The following ERC2 variants were observed in gnomAD, a reference collection of about 807,000 sequenced individuals.
ERC2 encodes ERC protein 2.
ERC2 carries 42 observed loss-of-function variants against 114.8 expected under a neutral mutation model. The ratio of observed to expected loss-of-function variants is 0.37; its 90% CI spans 0.29 to 0.47. The LOEUF is 0.47. Ranked by LOEUF, ERC2 falls within the 20% of genes least tolerant of loss-of-function variation. The pLI is 0.99. For missense variants in ERC2, 939 were observed against 1,150.7 expected (o/e 0.82, Z 2.66); for synonymous variants, 454 against 425.5 (o/e 1.07, Z -0.82).
chr3:55,964,831 T>C (rs1177738149), intron 12 of ERC2, among the ~76,000 whole-genome samples: 1 of 152,166 alleles, frequency 6.6e-6, no homozygotes, highest in Non-Finnish European at 1.5e-5. Context: ...TTCCTTGCAG[T>C]TCTATGCCTG....
chr3:56,134,791 T>G (rs370552703), intron 6 of ERC2, among the ~76,000 whole-genome samples: 1 of 152,200 alleles, frequency 6.6e-6, no homozygotes, highest in Non-Finnish European at 1.5e-5. Flanking sequence ...ATTAGCATTA[T>G]GTACCACTGT....
intron 17 of ERC2, among the ~76,000 whole-genome samples, chr3:55,674,330 CAG>C (rs1002156112): frequency 2.0e-5 from 3 of 152,124 alleles, no homozygotes; most frequent in Non-Finnish European, 4.4e-5. Context: ...TATGCAAAGA[CAG>C]AGATTCCCAT....
chr3:56,270,715 T>C (rs192648918), intron 3 of ERC2, among the ~76,000 whole-genome samples: 52 of 152,304 alleles, frequency 3.4e-4, no homozygotes, highest in East Asian at 3.3e-3. Flanking sequence ...CATGGTGGCT[T>C]ATGCCTGTAA....
chr3:55,728,896 T>A (rs1313482250), intron 15 of ERC2, among the ~76,000 whole-genome samples: 2 of 152,188 alleles, frequency 1.3e-5, no homozygotes, highest in Non-Finnish European at 2.9e-5. Flanking sequence ...TCGTCAGGTG[T>A]GACAGGCAAA....
intron 15 of ERC2, among the ~76,000 whole-genome samples, chr3:55,728,208 A>T (rs919361384): frequency 6.6e-6 from 1 of 152,210 alleles, no homozygotes; most frequent in Non-Finnish European, 1.5e-5. Flanking sequence ...TCTCTTAGAG[A>T]TCAATGATGA....
intron 1 of ERC2, among the ~76,000 whole-genome samples, chr3:56,461,755 C>T (rs1353349168): frequency 6.6e-6 from 1 of 152,150 alleles, no homozygotes; most frequent in Non-Finnish European, 1.5e-5. Flanking sequence ...ACACTTCATA[C>T]AACATAAATC....
intron 14 of ERC2, among the ~76,000 whole-genome samples, chr3:55,833,986 A>G (rs1223997883): frequency 6.6e-6 from 1 of 151,272 alleles, no homozygotes; most frequent in Non-Finnish European, 1.5e-5. Context: ...CAGACTTTAA[A>G]CCAACAAAGA....
intron 10 of ERC2, among the ~76,000 whole-genome samples, chr3:55,994,647 T>TAAA (rs10662566): frequency 0.33 from 20,420 of 61,414 alleles, 6,235 homozygotes; most frequent in Middle Eastern, 0.45. Flanking sequence ...ACATACTCCC[T>TAAA]AAAAAAAAAA....
At chr3:55,670,379 T>G (rs1432568640) in intron 17 of ERC2, among the ~76,000 whole-genome samples, 1 of 152,156 alleles carries the variant, frequency 6.6e-6, no homozygotes, top group Non-Finnish European at 1.5e-5. Flanking sequence ...AGGATGAAAA[T>G]GGACAGAGCC....
At chr3:55,754,178 ATTT>A (rs11293885) in intron 14 of ERC2, among the ~76,000 whole-genome samples, 6 of 150,466 alleles carry the variant, frequency 4.0e-5, no homozygotes, top group Non-Finnish European at 8.9e-5. Context: ...TAAGAAAACT[ATTT>A]TTTTTTTTGA....
chr3:55,918,960 A>T (rs1186159391), intron 13 of ERC2, among the ~76,000 whole-genome samples: 2 of 152,118 alleles, frequency 1.3e-5, no homozygotes, highest in Non-Finnish European at 2.9e-5. Context: ...AATACACACT[A>T]AAGATATATT....
intron 13 of ERC2, among the ~76,000 whole-genome samples, chr3:55,939,276 A>C (rs909911743): frequency 6.6e-6 from 1 of 152,380 alleles, no homozygotes; most frequent in Non-Finnish European, 1.5e-5. Context: ...CTCAAACTCT[A>C]ATCCAAGAAG....
At chr3:56,233,810 C>T (rs1252267375) in intron 3 of ERC2, among the ~76,000 whole-genome samples, 2 of 152,104 alleles carry the variant, frequency 1.3e-5, no homozygotes, top group Non-Finnish European at 2.9e-5. Flanking sequence ...GGGCATCGAC[C>T]ATCTTCAAAG....
intron 4 of ERC2, among the ~76,000 whole-genome samples, chr3:56,169,719 A>T (rs2150012768): frequency 6.6e-6 from 1 of 151,862 alleles, no homozygotes; most frequent in South Asian, 2.1e-4. Context: ...TTTGAAATAG[A>T]TTTTCCTTCA....
At chr3:56,420,108 T>C (rs1490550357) in intron 2 of ERC2, among the ~76,000 whole-genome samples, 1 of 152,032 alleles carries the variant, frequency 6.6e-6, no homozygotes, top group Non-Finnish European at 1.5e-5. Context: ...TGAGTTTTAA[T>C]TTCTTTCCAT....
chr3:56,209,895 G>C (rs1042405587), intron 3 of ERC2, among the ~76,000 whole-genome samples: 1 of 152,146 alleles, frequency 6.6e-6, no homozygotes, highest in Non-Finnish European at 1.5e-5. Context: ...GCATTGCTTT[G>C]TGGAGTTGAG....
chr3:55,559,845 T>C (rs1229329116), intron 17 of ERC2, among the ~76,000 whole-genome samples: 2 of 152,212 alleles, frequency 1.3e-5, no homozygotes, highest in East Asian at 3.8e-4. Context: ...GGCAAGACCA[T>C]ATTTCACGCT....
rs1238675115 is a variant in ERC2 at position 55,975,258 on chromosome 3, C to T, written c.2267+10719G>A. 2.6e-5 allele frequency among the ~76,000 whole-genome samples: 4 copies of T among 152,044 alleles called. No homozygotes were observed. In the East Asian group the frequency reaches 7.7e-4, roughly 29 times the overall value. Reference sequence around the variant, plus strand: ...CCAGGGCTAACAGCAAATAGGTACTCGACAAAGCCTGTTCTTATTTCTGCT... The same window carrying T: ...CCAGGGCTAACAGCAAATAGGTACTTGACAAAGCCTGTTCTTATTTCTGCT... On this transcript the variant is annotated intron_variant, in intron 12 of 17. Transcript: ENST00000288221.
intron 2 of ERC2, among the ~76,000 whole-genome samples, chr3:56,414,721 T>C (rs1480301042): frequency 7.1e-6 from 1 of 140,048 alleles, no homozygotes; most frequent in African/African-American, 2.8e-5. Context: ...CGAGACTCTG[T>C]CTCAAAAAAA....
Sources: gnomAD v4.1 joint callset for allele counts (sites outside exome capture counted in the v4.1 genomes callset) on GRCh38, gnomAD v4.1.1 for gene constraint, MANE v1.5 for transcripts, NCBI Gene and HGNC (gene_info 2026-07-23, HGNC 2026-07-21) for gene names.